The following PPP2R5B variants were observed in gnomAD, a reference collection of about 807,000 sequenced individuals.
PPP2R5B encodes protein phosphatase 2 regulatory subunit B'beta.
In PPP2R5B, 19 loss-of-function variants were observed where a neutral mutation model predicts 59.9. The observed-to-expected ratio is 0.32, with a 90% CI of 0.22 to 0.47. The LOEUF is 0.47. Among genes scored for constraint, PPP2R5B ranks in the 20% least tolerant of loss-of-function variants. The pLI, the probability that PPP2R5B is intolerant of heterozygous loss-of-function variation, is 1.00. For missense variants in PPP2R5B, 441 were observed against 640.2 expected, an observed-to-expected ratio of 0.69 and a Z score of 3.36; for synonymous variants, 286 against 260.5, an observed-to-expected ratio of 1.10 and a Z score of -0.94.
chr11:64,919,652 G>A (rs1945093225), intron 1 of PPP2R5B, among the ~76,000 whole-genome samples: 1 of 151,986 alleles, frequency 6.6e-6, no homozygotes, highest in African/African-American at 2.4e-5. Flanking sequence ...CCAGGAGTTT[G>A]AAGTTGCAGT....
chr11:64,927,868 G>C lies in PPP2R5B; in HGVS notation c.463G>C (p.Glu155Gln), dbSNP rs1945185271. ...ENPEFDPEED[E>Q]PNLEPSWPHL... The stretch of plus-strand genomic sequence containing the variant: ...CCCTGAATTTGACCCTGAAGAGGAT[G>C]AGCCCAATCTTGAGCCTTCGTGGCC... Residue 155 changes from glutamate (E) to glutamine (Q), a missense_variant, in exon 4 of 14, where the codon GAG (glutamate) becomes CAG (glutamine). Around this residue, in one of 3 missense-constraint regions of PPP2R5B, gnomAD observed 268 missense variants for 488.1 expected, o/e 0.55. Coordinates refer to ENST00000164133, the MANE Select transcript of PPP2R5B (RefSeq NM_006244.4). 6.2e-7 allele frequency: 1 copy of C among 1,612,474 alleles called. No homozygotes were observed. The highest frequency in any genetic ancestry group is 2.2e-5 in the East Asian group (1 of 44,886).
intron 2 of PPP2R5B, among the ~76,000 whole-genome samples, chr11:64,926,373 T>C (rs1945164257): frequency 6.6e-6 from 1 of 152,216 alleles, no homozygotes; most frequent in Non-Finnish European, 1.5e-5. Flanking sequence ...CCCTCCCCAT[T>C]TCTGGCCCTT....
At chr11:64,930,267 GGGGCACT>G in intron 6 of PPP2R5B, 48 bp from the exon 7 acceptor site, 3 of 1,588,536 alleles carry the variant, frequency 1.9e-6, no homozygotes, top group Non-Finnish European at 2.6e-6. Flanking sequence ...GATGCCTAAG[GGGGCACT>G]GGGCCTACCC....
intron 13 of PPP2R5B, 37 bp from the exon 14 acceptor site, chr11:64,933,660 C>T: frequency 6.5e-7 from 1 of 1,533,048 alleles, no homozygotes; most frequent in Non-Finnish European, 8.8e-7. Context: ...CTGTGGGGGG[C>T]CCCAGGAAAG....
chr11:64,919,459 C>G (rs1945091566), intron 1 of PPP2R5B, among the ~76,000 whole-genome samples: 1 of 151,882 alleles, frequency 6.6e-6, no homozygotes, highest in South Asian at 2.1e-4. Flanking sequence ...TAATAATATA[C>G]CGGGTTGGGT....
chr11:64,930,942 T>C (rs959922375), intron 8 of PPP2R5B, among the ~76,000 whole-genome samples: 1 of 152,138 alleles, frequency 6.6e-6, no homozygotes, highest in South Asian at 2.1e-4. Context: ...GGTATGAACA[T>C]GGCTCACTGA....
At chr11:64,920,630 G>GT (rs773354729), upstream of PPP2R5B, among the ~76,000 whole-genome samples, 89 of 58,076 alleles carry the variant, frequency 1.5e-3, no homozygotes, top group Middle Eastern at 0.012. Context: ...AGGTCCAGCA[G>GT]TTATTTTTTT....
At chr11:64,927,632 G>A (rs1461996358) in intron 3 of PPP2R5B, 170 bp from the exon 4 acceptor site, 1 of 601,238 alleles carries the variant, frequency 1.7e-6, no homozygotes, top group Non-Finnish European at 2.9e-6. Flanking sequence ...GAGCCTGCCT[G>A]GGAGGTTGAG....
upstream of PPP2R5B, among the ~76,000 whole-genome samples, chr11:64,921,200 C>T (rs1945107369): frequency 6.6e-6 from 1 of 151,996 alleles, no homozygotes; most frequent in Admixed American, 6.6e-5. Context: ...AAGCAATCCA[C>T]CTGCCTCTGC....
chr11:64,927,025 C>G (rs1945172992), intron 3 of PPP2R5B, 117 bp downstream of exon 3: 11 of 1,256,928 alleles, frequency 8.8e-6, no homozygotes. Context: ...TGGCCTCAGT[C>G]CACGTCTTCC....
Position 64,933,898 on chromosome 11 carries a change from C to A in PPP2R5B, c.*54C>A. 6.9e-7 allele frequency: 1 copy of A among 1,447,986 alleles called. No individual in the cohort carries two copies. The highest frequency in any genetic ancestry group is 2.5e-5 in the East Asian group (1 of 39,230). The allele number at this position is 1,447,986 out of a possible 1,614,324, so 89.7% of individuals were successfully genotyped here. The stretch of plus-strand genomic sequence containing the variant: ...CCCAGAGCTGTCAGTCCCTCTATCC[C>A]TTCTCCTGTCCAGGGGCCCAGAGAG... On this transcript the variant is annotated 3_prime_UTR_variant, in exon 14 of 14. Coordinates refer to ENST00000164133, the MANE Select transcript of PPP2R5B (RefSeq NM_006244.4).
Position 64,925,250 on chromosome 11 carries a change from G to A in PPP2R5B, c.-264-221G>A, listed in dbSNP as rs983891332. ...TGAGTCGGGGCTGGCTTGGGGGATA[G>A]GCCCTATTCTGGGAGGGGTTGTTTT... On this transcript the variant is annotated intron_variant, in intron 1 of 13. Transcript: ENST00000164133. The surrounding 1 kb of genome is among the most constrained non-coding windows in gnomAD (Gnocchi z 4.6). Among the ~76,000 whole-genome samples the A allele has an allele frequency of 6.6e-6, 1 of 152,110 alleles. No individual in the cohort carries two copies. Among genetic ancestry groups the A allele is most frequent in the Non-Finnish European group, 1.5e-5 (1 of 68,006 alleles).
rs765573609 is a variant in PPP2R5B, at chr11:64,930,632, A to G, written c.891+43A>G. On this transcript the variant is annotated intron_variant, in intron 8 of 13. Coordinates refer to ENST00000164133, the MANE Select transcript of PPP2R5B (RefSeq NM_006244.4). ...CCCTGCTGCAGCAGGAGCTCCAGAC[A>G]GTCAGGGCAGCCAGTGGGTCCTGGA... is the stretch of plus-strand genomic sequence containing the variant. The G allele has an allele frequency of 5.8e-6, 9 of 1,545,638 alleles. No homozygotes were observed. In the South Asian group the frequency reaches 6.7e-5, roughly 11 times the overall value.
Position 64,925,963 on chromosome 11 carries a change from C to G in PPP2R5B, c.199+30C>G. On this transcript the variant is annotated intron_variant, in intron 2 of 13. Transcript: ENST00000164133. The surrounding 1 kb of genome is among the most constrained non-coding windows in gnomAD (Gnocchi z 4.6). ...GCTGGCTGCTGGCCACTGGGGGAAC[C>G]GAACCCCCGAGGGGACCAGCAGGGC... The G allele has an allele frequency of 1.9e-6, 3 of 1,595,946 alleles. No homozygotes were observed. The highest frequency in any genetic ancestry group is 2.6e-6 in the Non-Finnish European group (3 of 1,170,946).
In PPP2R5B at chr11:64,931,516, C is replaced by G. The variant is rs370528982; in HGVS notation, c.945+27C>G. 1.9e-6 allele frequency: 3 copies of G among 1,614,058 alleles called. No individual in the cohort carries two copies. The highest frequency in any genetic ancestry group is 2.5e-6 in the Non-Finnish European group (3 of 1,179,952). On this transcript the variant is annotated intron_variant, in intron 9 of 13. Transcript: ENST00000164133. The surrounding 1 kb of genome is among the most constrained non-coding windows in gnomAD (Gnocchi z 5.0). ...TGAGTACCTCTGGGGGCTAAGGCAG[C>G]CTCTCACCTCTGCAGGCGTGACTCC...
upstream of PPP2R5B, among the ~76,000 whole-genome samples, chr11:64,921,461 A>G (rs1945109670): frequency 6.6e-6 from 1 of 152,184 alleles, no homozygotes; most frequent in Non-Finnish European, 1.5e-5. Context: ...TCATCAGGCA[A>G]ACTGTGTGCT....
At chr11:64,930,720 T>G (rs1010400189) in intron 8 of PPP2R5B, 131 bp downstream of exon 8, 1 of 787,286 alleles carries the variant, frequency 1.3e-6, no homozygotes. Flanking sequence ...TCCATCTACC[T>G]TAGAAAATTC....
At chr11:64,926,568 T>A (rs1410000050) in intron 2 of PPP2R5B, 144 bp from the exon 3 acceptor site, 2 of 816,608 alleles carry the variant, frequency 2.4e-6, no homozygotes, top group Admixed American at 2.8e-5. Context: ...TTGTTTGCTG[T>A]CTGCAAGGAG....
Position 64,925,639 on chromosome 11 carries a change from A to G in PPP2R5B, c.-96A>G, listed in dbSNP as rs1349930682. On this transcript the variant is annotated 5_prime_UTR_variant, in exon 2 of 14. An upstream start codon of the reference 5' UTR is lost. Coordinates refer to ENST00000164133, the MANE Select transcript of PPP2R5B (RefSeq NM_006244.4). The surrounding 1 kb of genome is among the most constrained non-coding windows in gnomAD (Gnocchi z 4.6). ...GCCCCCCCCCCAAAGGCCGGACAGG[A>G]TGGGACCAAGTTAGTCTGTCCAGTC... The G allele has an allele frequency of 4.5e-5, 18 of 396,362 alleles. No individual in the cohort carries two copies. Among genetic ancestry groups the G allele is most frequent in the East Asian group, 1.7e-4 (2 of 11,930 alleles). The allele number at this position is 396,362 out of a possible 1,614,324, so 24.6% of individuals were successfully genotyped here.
Sources: allele counts gnomAD v4.1 joint callset (sites outside exome capture counted in the v4.1 genomes callset), GRCh38; gene constraint gnomAD v4.1.1; regional missense constraint gnomAD v4.1.1; non-coding constraint Gnocchi (gnomAD v3.1); transcripts MANE v1.5; gene names NCBI Gene and HGNC (gene_info 2026-07-23, HGNC 2026-07-21).